The following CCDC102B variants were observed in gnomAD, a reference collection of about 807,000 sequenced individuals.
The protein encoded by CCDC102B is coiled-coil domain containing 102B, also known as coiled-coil domain-containing protein 102B.
CCDC102B carries 75 observed loss-of-function variants against 57.4 expected under a neutral mutation model. That is an observed-to-expected ratio of 1.31 (90% CI 1.08 to 1.58). The LOEUF (loss-of-function observed/expected upper bound fraction) is 1.58. CCDC102B is among the 40% of genes most tolerant of loss of function. CCDC102B has a pLI of 0.00. For missense variants in CCDC102B, 636 were observed against 582.6 expected, an observed-to-expected ratio of 1.09 and a Z score of -0.94; for synonymous variants, 206 against 201.9, an observed-to-expected ratio of 1.02 and a Z score of -0.17.
In CCDC102B at chr18:68,941,264, TAAA is replaced by T. The variant is rs35250665; in HGVS notation, c.1263+43844_1263+43846del. 7.9e-4 allele frequency among the ~76,000 whole-genome samples: 118 copies of T among 149,798 alleles called. 1 individual carries two copies. The highest frequency in any genetic ancestry group is 2.9e-3 in the African/African-American group (116 of 40,612). ...TTTATAACTATGGTGAGCACAAAAA[TAAA>T]AAAAAAACCCATGTATTTTAGTCAG... On this transcript the variant is annotated intron_variant, in intron 6 of 7. Coordinates refer to ENST00000360242, the MANE Select transcript of CCDC102B (RefSeq NM_024781.3).
chr18:69,039,717 C>A (rs750917544), intron 7 of CCDC102B, among the ~76,000 whole-genome samples: 36 of 151,742 alleles, frequency 2.4e-4, no homozygotes, highest in Non-Finnish European at 3.2e-4. Context: ...TTTAGTTATG[C>A]AATGTTTAAT....
intron 6 of CCDC102B, chr18:68,900,184 A>G (rs940747280): frequency 6.6e-6 from 1 of 152,272 alleles, no homozygotes; most frequent in Non-Finnish European, 1.5e-5. Context: ...TGACAAAACA[A>G]CACCAGAAAC....
intron 6 of CCDC102B, among the ~76,000 whole-genome samples, chr18:68,997,342 AGT>A (rs2051057728): frequency 6.6e-6 from 1 of 152,164 alleles, no homozygotes; most frequent in Non-Finnish European, 1.5e-5. Context: ...AGAATTGACA[AGT>A]ACATATTGTA....
chr18:68,857,074 A>T (rs1318162264), intron 4 of CCDC102B, among the ~76,000 whole-genome samples: 1 of 118,360 alleles, frequency 8.4e-6, no homozygotes, highest in African/African-American at 3.3e-5. Flanking sequence ...TTTATATATT[A>T]TATATAAATA....
intron 7 of CCDC102B, among the ~76,000 whole-genome samples, chr18:69,031,322 A>G (rs1431357488): frequency 6.6e-6 from 1 of 152,174 alleles, no homozygotes; most frequent in East Asian, 1.9e-4. Flanking sequence ...TTTGTGGGAA[A>G]TTAAGCATTA....
chr18:68,787,569 G>A (rs1286720387), intron 2 of CCDC102B, among the ~76,000 whole-genome samples: 1 of 151,706 alleles, frequency 6.6e-6, no homozygotes, highest in African/African-American at 2.4e-5. Context: ...GAGTGTATAT[G>A]TCGAGGAATT....
intron 6 of CCDC102B, among the ~76,000 whole-genome samples, chr18:68,981,037 G>T (rs1408724065): frequency 6.6e-6 from 1 of 152,046 alleles, no homozygotes; most frequent in Non-Finnish European, 1.5e-5. Context: ...GGAAATGACT[G>T]CTGTGGAAGG....
At position 68,834,415 on chromosome 18, in the gene CCDC102B, A is replaced by G. The variant is rs985986586; in HGVS notation, c.-15-2334A>G. On this transcript the variant is annotated intron_variant, in intron 1 of 7. Coordinates refer to ENST00000360242, the MANE Select transcript of CCDC102B (RefSeq NM_024781.3). ...TAGTGAATAGTAAATATATATATGT[A>G]GTTGTATATGTAAATACATATATAT... Among the ~76,000 whole-genome samples, 28 of 130,466 alleles carry G rather than the reference A, an allele frequency of 2.1e-4. No homozygotes were observed. In the South Asian group the frequency reaches 7.1e-3, roughly 33 times the overall value. The allele number at this position is 130,466 out of a possible 152,430, so 85.6% of individuals were successfully genotyped here.
At chr18:69,041,108 C>CA (rs1033645931) in intron 7 of CCDC102B, among the ~76,000 whole-genome samples, 15 of 151,496 alleles carry the variant, frequency 9.9e-5, no homozygotes, top group East Asian at 3.9e-4. Flanking sequence ...TATTATTGAG[C>CA]AAAAAAAATG....
chr18:68,732,453 C>G (rs374128900), intron 2 of CCDC102B, among the ~76,000 whole-genome samples: 2 of 151,876 alleles, frequency 1.3e-5, no homozygotes, highest in East Asian at 1.9e-4. Context: ...TCAAGCAATT[C>G]TCTGCCTCAG....
At chr18:68,987,738 A>T (rs1170958070) in intron 6 of CCDC102B, among the ~76,000 whole-genome samples, 1 of 152,194 alleles carries the variant, frequency 6.6e-6, no homozygotes, top group Non-Finnish European at 1.5e-5. Context: ...GGCAAAAGAC[A>T]TGAACAGACA....
At position 68,958,168 on chromosome 18, in the gene CCDC102B, G is replaced by C. The variant is rs191775529; in HGVS notation, c.1264-52766G>C. On this transcript the variant is annotated intron_variant, in intron 6 of 7. Coordinates refer to ENST00000360242, the MANE Select transcript of CCDC102B (RefSeq NM_024781.3). ...CATGAGAACAGCATGGGAAAGACCT[G>C]CCCTGGTGATTCAGTTACCTCCTAC... 1.6e-4 allele frequency among the ~76,000 whole-genome samples: 25 copies of C among 152,216 alleles called. No individual in the cohort carries two copies. The East Asian group carries it at 4.6e-3, about 28-fold the overall frequency.
intron 6 of CCDC102B, among the ~76,000 whole-genome samples, chr18:68,915,406 T>C (rs2041035042): frequency 6.6e-6 from 1 of 152,248 alleles, no homozygotes; most frequent in South Asian, 2.1e-4. Flanking sequence ...AATGAATTCA[T>C]TTTTTTCTAA....
intron 7 of CCDC102B, among the ~76,000 whole-genome samples, chr18:69,017,782 C>A (rs1476341166): frequency 6.6e-6 from 1 of 152,136 alleles, no homozygotes; most frequent in Non-Finnish European, 1.5e-5. Flanking sequence ...CTTTGACCAA[C>A]ATCTCTTCAT....
intron 2 of CCDC102B, among the ~76,000 whole-genome samples, chr18:68,752,583 C>T (rs892064680): frequency 6.6e-6 from 1 of 151,236 alleles, no homozygotes; most frequent in African/African-American, 2.4e-5. Context: ...AATAGGTAAA[C>T]TCCTTCTAAA....
At chr18:68,962,981 T>C (rs1031318858) in intron 6 of CCDC102B, among the ~76,000 whole-genome samples, 1 of 152,066 alleles carries the variant, frequency 6.6e-6, no homozygotes, top group African/African-American at 2.4e-5. Flanking sequence ...ATTCACCCTT[T>C]TATTCATGTG....
chr18:69,000,723 G>A (rs1019477625), intron 6 of CCDC102B, among the ~76,000 whole-genome samples: 2 of 152,140 alleles, frequency 1.3e-5, no homozygotes, highest in African/African-American at 2.4e-5. Context: ...ACAAGAGAAT[G>A]ACCCTCAGAG....
At chr18:68,784,784 G>C (rs2035133643) in intron 2 of CCDC102B, among the ~76,000 whole-genome samples, 1 of 151,892 alleles carries the variant, frequency 6.6e-6, no homozygotes, top group Non-Finnish European at 1.5e-5. Flanking sequence ...ACTTGGTTCA[G>C]ATTGTCTTTA....
intron 1 of CCDC102B, among the ~76,000 whole-genome samples, chr18:68,814,358 G>A (rs1568265335): frequency 6.6e-6 from 1 of 152,042 alleles, no homozygotes; most frequent in Non-Finnish European, 1.5e-5. Context: ...GAGCATCTCT[G>A]TCAATGAATC....
Sources: gnomAD v4.1 joint callset for allele counts (sites outside exome capture counted in the v4.1 genomes callset) on GRCh38, gnomAD v4.1.1 for gene constraint, MANE v1.5 for transcripts, NCBI Gene and HGNC (gene_info 2026-07-23, HGNC 2026-07-21) for gene names.